NTRK2: variants seen among roughly 807,000 people sequenced by gnomAD.
NTRK2 encodes BDNF/NT-3 growth factors receptor.
Under a neutral mutation model 94.5 loss-of-function variants are expected in NTRK2, and 13 were observed. That is an observed-to-expected ratio of 0.14 (90% CI 0.09 to 0.22). NTRK2 has a LOEUF of 0.22. Among genes scored for constraint, NTRK2 ranks in the 10% least tolerant of loss-of-function variants. The pLI is 1.00. For synonymous variants in NTRK2, 372 were observed against 407.4 expected (o/e 0.91, Z 1.05); for missense variants, 639 against 1,071.2 (o/e 0.60, Z 5.63).
At chr9:84,675,544 C>T (rs1223184934) in intron 2 of NTRK2, among the ~76,000 whole-genome samples, 1 of 151,930 alleles carries the variant, frequency 6.6e-6, no homozygotes, top group East Asian at 1.9e-4. Flanking sequence ...AAGACCTGCC[C>T]CTTGGAACAA....
At chr9:84,815,489 A>T (rs1564342599) in intron 12 of NTRK2, 3 of 1,036,384 alleles carry the variant, frequency 2.9e-6, no homozygotes, top group Non-Finnish European at 3.5e-6. Context: ...TGTAATCCAG[A>T]GGCAGCCTGT....
intron 12 of NTRK2, among the ~76,000 whole-genome samples, chr9:84,770,037 G>A (rs745629116): frequency 1.3e-5 from 2 of 151,980 alleles, no homozygotes; most frequent in Non-Finnish European, 2.9e-5. Context: ...CTGGCCTTGT[G>A]TGCTCACCCT....
intron 14 of NTRK2, among the ~76,000 whole-genome samples, chr9:84,931,440 A>C (rs1173684087): frequency 6.7e-6 from 1 of 150,292 alleles, no homozygotes; most frequent in African/African-American, 2.5e-5. Flanking sequence ...GAGAGAGAGA[A>C]ATTTATTCCA....
intron 2 of NTRK2, among the ~76,000 whole-genome samples, chr9:84,692,362 G>A (rs920984586): frequency 3.3e-5 from 5 of 151,536 alleles, no homozygotes; most frequent in Non-Finnish European, 7.4e-5. Flanking sequence ...AGTTTGCAAA[G>A]TTTCCAGAAC....
chr9:84,968,657 G>T (rs1348256602), intron 17 of NTRK2, among the ~76,000 whole-genome samples: 1 of 152,172 alleles, frequency 6.6e-6, no homozygotes, highest in Non-Finnish European at 1.5e-5. Context: ...GTGTGGCTTT[G>T]AATAACTCAT....
chr9:84,847,182 A>T (rs1246152662), intron 12 of NTRK2, among the ~76,000 whole-genome samples: 1 of 152,216 alleles, frequency 6.6e-6, no homozygotes, highest in Non-Finnish European at 1.5e-5. Context: ...AGAGCAGGAC[A>T]TTTACATCTC....
chr9:85,026,501 T>C lies in NTRK2; in HGVS notation c.*5064T>C, dbSNP rs1216673825. The stretch of plus-strand genomic sequence containing the variant: ...ATCTTACTATTGCTTAAAAAATGTA[T>C]AAAGCAGCTGGAAATGTTTTAAATA... On this transcript the variant is annotated 3_prime_UTR_variant, in exon 19 of 19. Coordinates refer to ENST00000277120, the MANE Select transcript of NTRK2 (RefSeq NM_006180.6). The C allele has an allele frequency of 8.6e-6, 2 of 232,426 alleles. No individual in the cohort carries two copies. The highest frequency in any genetic ancestry group is 6.1e-5 in the East Asian group (1 of 16,452). 14.4% of individuals were successfully genotyped at this position (232,426 alleles called of 1,614,324 possible).
intron 17 of NTRK2, among the ~76,000 whole-genome samples, chr9:85,002,982 T>G (rs114858885): frequency 0.015 from 2,280 of 152,212 alleles, 71 homozygotes; most frequent in African/African-American, 0.052. Context: ...GGAGAAACAG[T>G]TGGGGGACGG....
chr9:84,806,203 T>C (rs1359765297), intron 12 of NTRK2, among the ~76,000 whole-genome samples: 1 of 152,074 alleles, frequency 6.6e-6, no homozygotes, highest in Non-Finnish European at 1.5e-5. Flanking sequence ...GAAATCAAAA[T>C]AAAATAAACA....
chr9:84,970,063 T>C (rs1211605952), intron 17 of NTRK2, among the ~76,000 whole-genome samples: 1 of 152,210 alleles, frequency 6.6e-6, no homozygotes, highest in Admixed American at 6.5e-5. Flanking sequence ...AACAAGTGAC[T>C]TAACCTCTCA....
intron 12 of NTRK2, among the ~76,000 whole-genome samples, chr9:84,845,991 C>T (rs1343116651): frequency 6.6e-6 from 1 of 151,740 alleles, no homozygotes; most frequent in Non-Finnish European, 1.5e-5. Context: ...TTTGTTTCTG[C>T]CCATTACAGA....
intron 2 of NTRK2, among the ~76,000 whole-genome samples, chr9:84,699,105 C>T (rs775658751): frequency 4.0e-5 from 6 of 149,032 alleles, no homozygotes; most frequent in East Asian, 4.0e-4. Flanking sequence ...GGTGTGATCT[C>T]GGCTCATGTC....
Position 85,024,369 on chromosome 9 carries a change from A to C in NTRK2, c.*2932A>C, listed in dbSNP as rs1422976059. The C allele has an allele frequency of 4.3e-6, 1 of 233,048 alleles. No homozygotes were observed. Among genetic ancestry groups the C allele is most frequent in the Non-Finnish European group, 8.5e-6 (1 of 117,966 alleles). The allele number at this position is 233,048 out of a possible 1,614,324, so 14.4% of individuals were successfully genotyped here. ...TTTGTGAAAACTACAACAGTATAAC[A>C]GTGACAAACCTAATTCTCTAGCCCA... On this transcript the variant is annotated 3_prime_UTR_variant, in exon 19 of 19. Transcript: ENST00000277120.
intron 14 of NTRK2, among the ~76,000 whole-genome samples, chr9:84,931,754 T>C (rs2078044215): frequency 6.7e-6 from 1 of 149,034 alleles, no homozygotes; most frequent in Admixed American, 6.8e-5. Flanking sequence ...CGTTAAATAC[T>C]TGCCTTGCTC....
intron 6 of NTRK2, among the ~76,000 whole-genome samples, chr9:84,715,588 A>G (rs1335406322): frequency 2.0e-5 from 3 of 152,210 alleles, no homozygotes; most frequent in African/African-American, 7.2e-5. Flanking sequence ...GAACATTTTC[A>G]TATAACATTT....
At chr9:84,806,846 C>T (rs1031813013) in intron 12 of NTRK2, among the ~76,000 whole-genome samples, 14 of 152,222 alleles carry the variant, frequency 9.2e-5, no homozygotes, top group African/African-American at 2.2e-4. Context: ...TCTAGACACA[C>T]GATGTTATGA....
chr9:84,962,547 C>T (rs1408303598), intron 17 of NTRK2, among the ~76,000 whole-genome samples: 5 of 152,020 alleles, frequency 3.3e-5, no homozygotes, highest in African/African-American at 7.2e-5. Context: ...ATACTTTATA[C>T]GTAGAAGTGC....
intron 12 of NTRK2, among the ~76,000 whole-genome samples, chr9:84,781,293 A>C (rs13287010): frequency 0.044 from 6,690 of 152,240 alleles, 188 homozygotes; most frequent in Admixed American, 0.061. Context: ...AGGAGAACAT[A>C]CAACTGAACA....
intron 2 of NTRK2, among the ~76,000 whole-genome samples, chr9:84,689,938 G>A (rs2059947467): frequency 6.6e-6 from 1 of 152,016 alleles, no homozygotes; most frequent in Non-Finnish European, 1.5e-5. Context: ...TATTTGTTTA[G>A]GACTTTTACA....
Sources: allele counts gnomAD v4.1 joint callset (sites outside exome capture counted in the v4.1 genomes callset), GRCh38; gene constraint gnomAD v4.1.1; transcripts MANE v1.5; gene names NCBI Gene and HGNC (gene_info 2026-07-23, HGNC 2026-07-21).